Variants in CADM2 observed in about 807,000 individuals in gnomAD.
The protein encoded by CADM2 is cell adhesion molecule 2.
A neutral mutation model predicts 49.8 loss-of-function variants in CADM2; 12 were observed. That is an observed-to-expected ratio of 0.24 (90% confidence interval 0.15 to 0.39). CADM2 has a LOEUF of 0.39. Ranked by LOEUF, CADM2 falls within the 10% of genes least tolerant of loss-of-function variation. The pLI is 1.00. For missense variants in CADM2, 378 were observed against 492.3 expected, an observed-to-expected ratio of 0.77 and a Z score of 2.20; for synonymous variants, 214 against 175.4, an observed-to-expected ratio of 1.22 and a Z score of -1.74.
At chr3:85,587,355 T>A (rs1050731542) in intron 1 of CADM2, among the ~76,000 whole-genome samples, 2 of 152,142 alleles carry the variant, frequency 1.3e-5, no homozygotes, top group African/African-American at 2.4e-5. Flanking sequence ...TAGTAGGGTA[T>A]ATTCACAAGT....
chr3:84,976,036 C>A (rs1030775548), intron 1 of CADM2, among the ~76,000 whole-genome samples: 1 of 151,660 alleles, frequency 6.6e-6, no homozygotes, highest in Non-Finnish European at 1.5e-5. Flanking sequence ...CCATTTTATA[C>A]CACCATAACC....
chr3:85,886,465 T>C, intron 5 of CADM2, 138 bp downstream of exon 5: 1 of 602,218 alleles, frequency 1.7e-6, no homozygotes, highest in Non-Finnish European at 2.8e-6. Context: ...ATTTACCCAT[T>C]CTTAAGTAAG....
chr3:85,984,895 T>A (rs1369046773), intron 8 of CADM2, among the ~76,000 whole-genome samples: 2 of 151,954 alleles, frequency 1.3e-5, no homozygotes, highest in Non-Finnish European at 2.9e-5. Flanking sequence ...CAAATTTAAT[T>A]GTAATGAGAT....
At chr3:85,504,809 G>A (rs1240762213) in intron 1 of CADM2, among the ~76,000 whole-genome samples, 2 of 152,222 alleles carry the variant, frequency 1.3e-5, no homozygotes, top group African/African-American at 2.4e-5. Flanking sequence ...TGCAGGTCCC[G>A]AGCCCTGCCC....
At chr3:85,129,638 T>G (rs2039159609) in intron 1 of CADM2, among the ~76,000 whole-genome samples, 1 of 152,188 alleles carries the variant, frequency 6.6e-6, no homozygotes, top group Non-Finnish European at 1.5e-5. Flanking sequence ...GAGGAGCTTT[T>G]GGAAAAAATG....
intron 3 of CADM2, among the ~76,000 whole-genome samples, chr3:85,848,508 T>C (rs1413484044): frequency 6.6e-6 from 1 of 152,148 alleles, no homozygotes; most frequent in East Asian, 1.9e-4. Flanking sequence ...GTGAGTTTGA[T>C]GAGTTGTGCA....
chr3:85,830,284 C>G (rs1034016835), intron 3 of CADM2, among the ~76,000 whole-genome samples: 1 of 151,774 alleles, frequency 6.6e-6, no homozygotes, highest in Non-Finnish European at 1.5e-5. Flanking sequence ...ATGTTGAGAA[C>G]GTTTTCATAT....
chr3:86,007,644 G>A (rs1730956894), intron 8 of CADM2, among the ~76,000 whole-genome samples: 1 of 152,124 alleles, frequency 6.6e-6, no homozygotes, highest in South Asian at 2.1e-4. Context: ...TCTTGAAAGG[G>A]CAAATAAAAG....
chr3:85,945,260 A>G (rs1409429235), intron 7 of CADM2, among the ~76,000 whole-genome samples: 1 of 152,134 alleles, frequency 6.6e-6, no homozygotes, highest in Non-Finnish European at 1.5e-5. Context: ...GACCAATAAC[A>G]GGCTCTGAAA....
At chr3:84,988,430 C>T (rs546518284) in intron 1 of CADM2, among the ~76,000 whole-genome samples, 1 of 152,266 alleles carries the variant, frequency 6.6e-6, no homozygotes, top group Non-Finnish European at 1.5e-5. Flanking sequence ...CATTGAGTTC[C>T]AGGTTTTTTA....
intron 3 of CADM2, among the ~76,000 whole-genome samples, chr3:85,817,063 T>G (rs2073251923): frequency 6.6e-6 from 1 of 152,236 alleles, no homozygotes; most frequent in Non-Finnish European, 1.5e-5. Flanking sequence ...GATTTATTAT[T>G]TCCCTGCAGG....
intron 1 of CADM2, among the ~76,000 whole-genome samples, chr3:85,457,909 A>T (rs886955372): frequency 6.6e-6 from 1 of 152,178 alleles, no homozygotes; most frequent in Non-Finnish European, 1.5e-5. Context: ...CCCCAAATAT[A>T]ATCTCCTAGT....
intron 3 of CADM2, among the ~76,000 whole-genome samples, chr3:85,844,698 C>T (rs1428502210): frequency 1.3e-5 from 2 of 152,052 alleles, no homozygotes; most frequent in Admixed American, 6.5e-5. Context: ...ATCTAGTCTC[C>T]TAATAATTCT....
At chr3:85,561,810 C>T (rs962839232) in intron 1 of CADM2, among the ~76,000 whole-genome samples, 3 of 152,048 alleles carry the variant, frequency 2.0e-5, no homozygotes, top group Admixed American at 6.6e-5. Flanking sequence ...TCAGACTTTT[C>T]GTTGATCTAA....
intron 1 of CADM2, among the ~76,000 whole-genome samples, chr3:85,587,433 CT>C (rs2062976111): frequency 6.6e-6 from 1 of 151,990 alleles, no homozygotes; most frequent in South Asian, 2.1e-4. Context: ...AATGAAATGT[CT>C]TAGGCAAAGA....
chr3:85,915,676 A>G (rs928073751), intron 6 of CADM2, among the ~76,000 whole-genome samples: 7 of 152,252 alleles, frequency 4.6e-5, no homozygotes, highest in Non-Finnish European at 1.0e-4. Flanking sequence ...GAGAAGGAGG[A>G]AAGAAGAGCT....
At chr3:86,048,324 T>C (rs1444252117) in intron 8 of CADM2, among the ~76,000 whole-genome samples, 1 of 152,004 alleles carries the variant, frequency 6.6e-6, no homozygotes, top group Non-Finnish European at 1.5e-5. Context: ...TGATATATTT[T>C]TGATGTTTTG....
At chr3:85,976,127 G>A (rs996170938) in intron 8 of CADM2, among the ~76,000 whole-genome samples, 10 of 151,618 alleles carry the variant, frequency 6.6e-5, no homozygotes, top group East Asian at 5.9e-4. Context: ...ATTTCTCTGC[G>A]TATGAATTAG....
chr3:86,044,156 G>A (rs191555182), intron 8 of CADM2, among the ~76,000 whole-genome samples: 11 of 152,278 alleles, frequency 7.2e-5, no homozygotes, highest in East Asian at 3.9e-4. Context: ...CATGGGTAAC[G>A]ACTTCACGTC....
Sources: gnomAD v4.1 joint callset for allele counts (sites outside exome capture counted in the v4.1 genomes callset) on GRCh38, gnomAD v4.1.1 for gene constraint, MANE v1.5 for transcripts, NCBI Gene and HGNC (gene_info 2026-07-23, HGNC 2026-07-21) for gene names.